RSRC1: variants seen among roughly 807,000 people sequenced by gnomAD.
RSRC1 encodes serine/Arginine-related protein 53.
In RSRC1, 39 loss-of-function variants were observed where a neutral mutation model predicts 49.1. The ratio of observed to expected loss-of-function variants is 0.79; its 90% confidence interval spans 0.61 to 1.04. RSRC1 has a LOEUF of 1.04. RSRC1 is among the 50% of genes least tolerant of loss of function. RSRC1 has a pLI of 0.00. For missense variants in RSRC1, 388 were observed against 402.4 expected (o/e 0.96, Z 0.31); for synonymous variants, 143 against 130.8 (o/e 1.09, Z -0.63).
chr3:158,215,304 T>G (rs1721891550), intron 4 of RSRC1, among the ~76,000 whole-genome samples: 1 of 151,378 alleles, frequency 6.6e-6, no homozygotes, highest in Admixed American at 6.6e-5. Context: ...GATAGTTTTT[T>G]TTTTTTTTTT....
At chr3:158,197,350 C>A (rs562151335) in intron 3 of RSRC1, among the ~76,000 whole-genome samples, 9 of 152,046 alleles carry the variant, frequency 5.9e-5, no homozygotes, top group African/African-American at 2.2e-4. Context: ...TGGTGATATC[C>A]CCTTTTTCAT....
At position 158,387,319 on chromosome 3, in the gene RSRC1, C is replaced by A. The variant is rs374452461; in HGVS notation, c.583+32411C>A. Among the ~76,000 whole-genome samples, 29 of 152,188 alleles carry A rather than the reference C, an allele frequency of 1.9e-4. 1 individual carries two copies. Among genetic ancestry groups the A allele is most frequent in the African/African-American group, 3.4e-4 (14 of 41,550 alleles). ...CTATGGCATTAGGTTCTGGACTACT[C>A]CAACTTTTGGCCTGGAATACTGATC... On this transcript the variant is annotated intron_variant, in intron 6 of 9. Transcript: ENST00000611884.
intron 7 of RSRC1, among the ~76,000 whole-genome samples, chr3:158,510,339 G>T (rs1181571958): frequency 6.6e-6 from 1 of 152,088 alleles, no homozygotes; most frequent in African/African-American, 2.4e-5. Flanking sequence ...ATGTATTACA[G>T]ATATCTTCTC....
intron 6 of RSRC1, among the ~76,000 whole-genome samples, chr3:158,459,487 A>G (rs1737508830): frequency 6.6e-6 from 1 of 152,136 alleles, no homozygotes; most frequent in Non-Finnish European, 1.5e-5. Context: ...TGTAAGGAGT[A>G]GAATGTGAAT....
At chr3:158,453,057 C>T (rs1174359330) in intron 6 of RSRC1, among the ~76,000 whole-genome samples, 3 of 152,124 alleles carry the variant, frequency 2.0e-5, no homozygotes, top group Non-Finnish European at 4.4e-5. Context: ...GAAAATCTTT[C>T]CATATTAATA....
At chr3:158,159,487 G>T (rs949650141) in intron 3 of RSRC1, among the ~76,000 whole-genome samples, 8 of 152,106 alleles carry the variant, frequency 5.3e-5, no homozygotes, top group African/African-American at 1.9e-4. Flanking sequence ...GCATAACTTT[G>T]TGGGAGTTAT....
chr3:158,522,085 AT>A (rs1338911930), intron 7 of RSRC1, among the ~76,000 whole-genome samples: 1 of 152,024 alleles, frequency 6.6e-6, no homozygotes, highest in Admixed American at 6.6e-5. Context: ...TTGAAGTAGA[AT>A]TTTTTAAATG....
At chr3:158,381,428 G>C (rs538952004) in intron 6 of RSRC1, among the ~76,000 whole-genome samples, 7 of 152,210 alleles carry the variant, frequency 4.6e-5, no homozygotes, top group Non-Finnish European at 8.8e-5. Context: ...GTGATCTCTC[G>C]CAGTTCTTGC....
At chr3:158,294,725 A>G (rs1436124160) in intron 4 of RSRC1, among the ~76,000 whole-genome samples, 1 of 152,098 alleles carries the variant, frequency 6.6e-6, no homozygotes, top group Non-Finnish European at 1.5e-5. Flanking sequence ...AAATAAATAA[A>G]TAACCACCCA....
intron 3 of RSRC1, among the ~76,000 whole-genome samples, chr3:158,144,839 A>C (rs1716981439): frequency 6.6e-6 from 1 of 152,142 alleles, no homozygotes; most frequent in African/African-American, 2.4e-5. Flanking sequence ...TACTGGTGTG[A>C]GATGGTATCT....
At chr3:158,125,702 G>A (rs969159422) in intron 3 of RSRC1, among the ~76,000 whole-genome samples, 2 of 152,160 alleles carry the variant, frequency 1.3e-5, no homozygotes, top group Admixed American at 1.3e-4. Context: ...TGCTGCTGTT[G>A]TGTGGAGTGT....
intron 5 of RSRC1, among the ~76,000 whole-genome samples, chr3:158,317,386 G>A (rs1728522092): frequency 6.6e-6 from 1 of 151,774 alleles, no homozygotes; most frequent in Admixed American, 6.6e-5. Flanking sequence ...ATGTCACCAC[G>A]CCCAGCTAAT....
chr3:158,233,340 G>A (rs1343854252), intron 4 of RSRC1, among the ~76,000 whole-genome samples: 1 of 152,040 alleles, frequency 6.6e-6, no homozygotes. Flanking sequence ...TGTCTTTGTG[G>A]TTACTCTTAG....
intron 6 of RSRC1, among the ~76,000 whole-genome samples, chr3:158,371,300 C>T (rs4680430): frequency 0.43 from 65,042 of 151,394 alleles, 14,828 homozygotes; most frequent in South Asian, 0.6. Flanking sequence ...CTTTAATTTT[C>T]GACAAATGCA....
chr3:158,319,419 C>A (rs575932810), intron 5 of RSRC1, among the ~76,000 whole-genome samples: 2 of 152,234 alleles, frequency 1.3e-5, no homozygotes, highest in East Asian at 3.9e-4. Flanking sequence ...AACCTCTTTT[C>A]TTTATAAATT....
chr3:158,141,471 A>G (rs995486275), intron 3 of RSRC1, among the ~76,000 whole-genome samples: 3 of 152,324 alleles, frequency 2.0e-5, no homozygotes, highest in Admixed American at 2.0e-4. Flanking sequence ...ATTTATGCTA[A>G]TGTCAGAAAT....
In RSRC1 at chr3:158,473,863, T is replaced by C. The variant is rs553708496; in HGVS notation, c.652+12860T>C. Among the ~76,000 whole-genome samples, 8 of 152,298 alleles carry C rather than the reference T, an allele frequency of 5.3e-5. No homozygotes were observed. The South Asian group carries it at 1.7e-3, about 32-fold the overall frequency. On this transcript the variant is annotated intron_variant, in intron 7 of 9. Transcript: ENST00000611884. ...AAATTGGCATTCTATGTGAACTCAA[T>C]AAATACTTCTTAACTGATTATAGAT...
intron 7 of RSRC1, among the ~76,000 whole-genome samples, chr3:158,469,118 G>A (rs1738015642): frequency 6.6e-6 from 1 of 152,026 alleles, no homozygotes; most frequent in Non-Finnish European, 1.5e-5. Context: ...TCACCCAACA[G>A]GTCTAGCTTC....
At chr3:158,160,672 A>T (rs189133519) in intron 3 of RSRC1, among the ~76,000 whole-genome samples, 1 of 152,310 alleles carries the variant, frequency 6.6e-6, no homozygotes, top group African/African-American at 2.4e-5. Context: ...AGTTTAGTTT[A>T]AAAAAGTGGG....
Sources: allele counts gnomAD v4.1 joint callset (sites outside exome capture counted in the v4.1 genomes callset), GRCh38; gene constraint gnomAD v4.1.1; transcripts MANE v1.5; gene names NCBI Gene and HGNC (gene_info 2026-07-23, HGNC 2026-07-21).